DRC7: variants seen among roughly 807,000 people sequenced by gnomAD.
DRC7 encodes the protein coiled-coil domain containing 135.
DRC7 carries 80 observed loss-of-function variants against 104.4 expected under a neutral mutation model. The observed-to-expected ratio is 0.77, with a 90% CI of 0.64 to 0.92. DRC7 has a LOEUF of 0.92. Among genes scored for constraint, DRC7 ranks in the 40% least tolerant of loss-of-function variants. The pLI, the probability that DRC7 is intolerant of heterozygous loss-of-function variation, is 0.00. For missense variants in DRC7, 1,034 were observed against 1,141.1 expected (o/e 0.91, Z 1.35); for synonymous variants, 405 against 447.3 (o/e 0.91, Z 1.19).
At position 57,704,773 on chromosome 16, in the gene DRC7, C is replaced by A; in HGVS notation, c.700-103C>A. 5 of 1,358,516 alleles carry A rather than the reference C, an allele frequency of 3.7e-6. No individual in the cohort carries two copies. In the East Asian group the frequency reaches 7.0e-5, roughly 19 times the overall value. The allele number at this position is 1,358,516 out of a possible 1,614,324, so 84.2% of individuals were successfully genotyped here. A position where few individuals can be genotyped will look rare whatever the true frequency, so the allele number is the denominator to read the frequency against. ...CACAGGCTACAGGAGTAGCTGCCAT[C>A]CCCCGGTCTGAGGGACTGGCTGGGC... On this transcript the variant is annotated intron_variant, in intron 6 of 18. Transcript: ENST00000360716.
At chr16:57,729,541 A>G (rs1388121851) in intron 17 of DRC7, among the ~76,000 whole-genome samples, 123 of 18,778 alleles carry the variant, frequency 6.6e-3, no homozygotes, top group Middle Eastern at 0.038. Context: ...TGGGTGAGTG[A>G]GTGGGTGGGT....
At chr16:57,728,622 A>C in intron 17 of DRC7, 38 bp downstream of exon 17, 12 of 1,498,094 alleles carry the variant, frequency 8.0e-6, no homozygotes, top group Non-Finnish European at 9.0e-6. Context: ...GGGGGATCTC[A>C]GCATCTGCAT....
At chr16:57,712,448 G>A (rs1405934494) in intron 8 of DRC7, among the ~76,000 whole-genome samples, 1 of 152,152 alleles carries the variant, frequency 6.6e-6, no homozygotes, top group Non-Finnish European at 1.5e-5. Flanking sequence ...TGAGCCCCCA[G>A]CTTGGAAGTC....
intron 16 of DRC7, 32 bp from the exon 17 acceptor site, chr16:57,728,358 C>T (rs2048995816): frequency 2.6e-6 from 4 of 1,540,514 alleles, no homozygotes; most frequent in Non-Finnish European, 3.5e-6. Context: ...GTAGTTCCTG[C>T]TGATCCAGCT....
At chr16:57,729,977 G>T (rs562469380) in intron 17 of DRC7, among the ~76,000 whole-genome samples, 1 of 141,642 alleles carries the variant, frequency 7.1e-6, no homozygotes. Context: ...TGGGCGAGTG[G>T]ATAGATGGAC....
Position 57,722,788 on chromosome 16 carries a change from A to G in DRC7, c.1355A>G (p.Tyr452Cys). The change falls in exon 11 of 19, where the codon TAC (tyrosine) becomes TGC (cysteine). Residue 452 changes from tyrosine (Y) to cysteine (C), a missense_variant. Tyr to Cys is a radical substitution (Grantham distance 194, BLOSUM62 -2). Coordinates refer to ENST00000360716, the MANE Select transcript of DRC7 (RefSeq NM_001289162.2). ...KRAKLEKWAP[Y>C]LNSNGLVSRL... ...GCAAAGCTGGAGAAGTGGGCCCCGT[A>G]CCTCAATAGCAATGGCCTTGTGAGC... 6.2e-7 allele frequency: 1 copy of G among 1,613,880 alleles called. No individual in the cohort carries two copies. Among genetic ancestry groups the G allele is most frequent in the South Asian group, 1.1e-5 (1 of 91,084 alleles).
In DRC7 at chr16:57,702,216, G is replaced by T; in HGVS notation, c.699+86G>T. ...GCCATCCTTAGAGACGTCCATCACT[G>T]CCGCCTCATCCCCAGCCCTGGCCAC... On this transcript the variant is annotated intron_variant, in intron 6 of 18. Transcript: ENST00000360716. The T allele has an allele frequency of 2.1e-6, 3 of 1,423,958 alleles. No homozygotes were observed. In the South Asian group the frequency reaches 3.8e-5, roughly 18 times the overall value. The allele number at this position is 1,423,958 out of a possible 1,614,324, so 88.2% of individuals were successfully genotyped here.
intron 8 of DRC7, among the ~76,000 whole-genome samples, chr16:57,713,182 G>A (rs1199480339): frequency 5.9e-5 from 9 of 152,208 alleles, no homozygotes; most frequent in African/African-American, 2.2e-4. Flanking sequence ...TGAATTTTCT[G>A]TGTGTACTTG....
chr16:57,729,601 GATGGGTGAGTGA>G (rs2049025391), intron 17 of DRC7, among the ~76,000 whole-genome samples: 1 of 64,772 alleles, frequency 1.5e-5, no homozygotes, highest in Non-Finnish European at 2.8e-5. Flanking sequence ...TGGATGGATG[GATGGGTGAGTGA>G]GTGGGTGGGT....
At chr16:57,708,964 A>G (rs1166974627) in intron 8 of DRC7, among the ~76,000 whole-genome samples, 1 of 151,634 alleles carries the variant, frequency 6.6e-6, no homozygotes, top group Non-Finnish European at 1.5e-5. Context: ...CCCCGTCTCT[A>G]CTAAAAATAC....
chr16:57,698,539 C>A (rs991658286), intron 3 of DRC7, among the ~76,000 whole-genome samples: 7 of 151,926 alleles, frequency 4.6e-5, no homozygotes, highest in African/African-American at 7.3e-5. Flanking sequence ...ACAAAAAATA[C>A]AAAAATTAGC....
chr16:57,724,309 CA>C (rs35767816), intron 12 of DRC7, among the ~76,000 whole-genome samples: 3,186 of 80,694 alleles, frequency 0.039, 56 homozygotes, highest in African/African-American at 0.11. Context: ...GGCTGTGTCT[CA>C]AAAAAAAAAA....
At chr16:57,720,525 T>C (rs1277487165) in intron 9 of DRC7, among the ~76,000 whole-genome samples, 1 of 152,166 alleles carries the variant, frequency 6.6e-6, no homozygotes, top group Non-Finnish European at 1.5e-5. Context: ...ACATGGCTAA[T>C]AATCAAACAG....
intron 16 of DRC7, among the ~76,000 whole-genome samples, chr16:57,728,154 A>G (rs548733968): frequency 5.5e-4 from 84 of 152,310 alleles, no homozygotes; most frequent in African/African-American, 1.9e-3. Context: ...AGAGAAGGAA[A>G]CCAAAGCTCA....
intron 4 of DRC7, among the ~76,000 whole-genome samples, chr16:57,699,251 C>T (rs535468952): frequency 2.6e-5 from 4 of 152,332 alleles, no homozygotes; most frequent in Non-Finnish European, 4.4e-5. Context: ...CCCATGCCCC[C>T]GCCTAAAGAG....
Position 57,697,774 on chromosome 16 carries a change from T to C in DRC7, c.-37-139T>C, listed in dbSNP as rs8057556. 583 of 888,012 alleles carry C rather than the reference T, an allele frequency of 6.6e-4. 1 individual carries two copies. In the African/African-American group the frequency reaches 8.1e-3, roughly 12 times the overall value. The allele number at this position is 888,012 out of a possible 1,614,324, so 55.0% of individuals were successfully genotyped here. On this transcript the variant is annotated intron_variant, in intron 2 of 18. Coordinates refer to ENST00000360716, the MANE Select transcript of DRC7 (RefSeq NM_001289162.2). ...GACTTTCTCCATGTTTGAAAGGAAG[T>C]CAAAGAGGGAATCACTCCCTATGTG...
At position 57,728,491 on chromosome 16, in the gene DRC7, C is replaced by G; in HGVS notation, c.2298C>G (p.Cys766Trp). 1 of 1,612,320 alleles carries G rather than the reference C, an allele frequency of 6.2e-7. No homozygotes were observed. The highest frequency in any genetic ancestry group is 1.3e-5 in the African/African-American group (1 of 75,034). The change falls in exon 17 of 19, where the codon TGC becomes TGG. Residue 766 changes from cysteine to tryptophan, a missense_variant. By Grantham distance (215) the Cys-to-Trp change is radical (BLOSUM62 -2). Transcript: ENST00000360716. ...AQLPPGEKLT[C>W]WQAVRLKDEC... ...TCCCGCCAGGAGAGAAACTAACATG[C>G]TGGCAGGCGGTGCGCCTCAAGGATG...
rs747153990 is a variant in DRC7, at chr16:57,698,946, C to T, written c.300C>T (p.Asn100=). 3.1e-6 allele frequency: 5 copies of T among 1,613,948 alleles called. No individual in the cohort carries two copies. The highest frequency in any genetic ancestry group is 2.2e-5 in the East Asian group (1 of 44,896). ...AACACCTGCTGCAGGTGGCAGACAA[C>T]TTCTCCCGCCAGTACAGCCATCTGT... ...KEEHLLQVAD[N]FSRQYSHLCP... The change falls in exon 4 of 19, where the codon AAC becomes AAT. Residue 100 remains asparagine, a synonymous_variant. Transcript: ENST00000360716.
chr16:57,718,174 A>G lies in DRC7; in HGVS notation c.1078-173A>G, dbSNP rs539069718. Among the ~76,000 whole-genome samples the G allele has an allele frequency of 3.3e-5, 5 of 152,286 alleles. No individual in the cohort carries two copies. In the East Asian group the frequency reaches 7.7e-4, roughly 24 times the overall value. ...GGGCCTCAGTTTCCCTGTTGGGATG[A>G]GGAGTGTGGGCATGGACTCTCAGAG... On this transcript the variant is annotated intron_variant, in intron 8 of 18. Transcript: ENST00000360716.
Sources: gnomAD v4.1 joint callset for allele counts (sites outside exome capture counted in the v4.1 genomes callset) on GRCh38, gnomAD v4.1.1 for gene constraint, MANE v1.5 for transcripts, NCBI Gene and HGNC (gene_info 2026-07-23, HGNC 2026-07-21) for gene names.